The following BBS2 variants were observed in gnomAD, a reference collection of about 807,000 sequenced individuals.
The protein encoded by BBS2 is BBSome complex member BBS2.
BBS2 carries 62 observed loss-of-function variants against 83.0 expected under a neutral mutation model. That is an observed-to-expected ratio of 0.75 (90% confidence interval 0.61 to 0.92). The LOEUF (loss-of-function observed/expected upper bound fraction) is 0.92. Ranked by LOEUF, BBS2 falls within the 40% of genes least tolerant of loss-of-function variation. The probability of loss-of-function intolerance (pLI) is 0.00; values close to 1 mark genes in which losing one functional copy is unlikely to be tolerated. For missense variants in BBS2, 784 were observed against 901.0 expected (o/e 0.87, Z 1.66); for synonymous variants, 303 against 326.1 (o/e 0.93, Z 0.76).
chr16:56,519,968 C>CA lies in BBS2; in HGVS notation c.-107dup. ...TGCAGGGACACTACCTGCGCGGCCCCAGCCGCCTCAGGCCGGACGCGAAAC... is the reference window on the plus strand; with the variant it reads ...TGCAGGGACACTACCTGCGCGGCCCCAAGCCGCCTCAGGCCGGACGCGAAAC... On this transcript the variant is annotated 5_prime_UTR_variant, in exon 1 of 17. Transcript: ENST00000245157. 1 of 978,646 alleles carries CA rather than the reference C, an allele frequency of 1.0e-6. No individual in the cohort carries two copies. Among genetic ancestry groups the CA allele is most frequent in the Non-Finnish European group, 1.6e-6 (1 of 626,080 alleles). 60.6% of individuals were successfully genotyped at this position (978,646 alleles called of 1,614,324 possible).
intron 15 of BBS2, among the ~76,000 whole-genome samples, chr16:56,496,214 T>A (rs770127736): frequency 6.6e-6 from 1 of 152,162 alleles, no homozygotes; most frequent in Non-Finnish European, 1.5e-5. Flanking sequence ...TACATTTTAT[T>A]GGCAAGGTAA....
At chr16:56,499,645 A>C in intron 12 of BBS2, 133 bp downstream of exon 12, 1 of 1,285,632 alleles carries the variant, frequency 7.8e-7, no homozygotes, top group Non-Finnish European at 1.1e-6. Context: ...GCCACCCCCA[A>C]GTTAGAGAAT....
intron 17 of BBS2, chr16:56,475,900 C>A (rs1341333559): frequency 4.2e-6 from 3 of 712,990 alleles, no homozygotes; most frequent in Non-Finnish European, 6.9e-6. Flanking sequence ...GCTTGACAGC[C>A]ACCCCTAGTA....
rs1465592714 is a variant in BBS2 at position 56,478,628 on chromosome 16, A to G, written c.*6133T>C. 3 of 151,876 alleles carry G rather than the reference A, an allele frequency of 2.0e-5. No homozygotes were observed. In the East Asian group the frequency reaches 5.8e-4, roughly 29 times the overall value. 9.4% of individuals were successfully genotyped at this position (151,876 alleles called of 1,614,324 possible). On this transcript the variant is annotated intron_variant, in intron 17 of 17. Coordinates refer to the BBS2 transcript ENST00000682047. ...TGCCAAGCTTGGAAAATAGTTTGAG[A>G]CTCATGGCTGTAGGCACCATCCAAG...
rs758715963 is a variant in BBS2 at position 56,506,034 on chromosome 16, C to T, written c.720G>A (p.Ser240=). 1.4e-5 allele frequency: 23 copies of T among 1,613,628 alleles called. No individual in the cohort carries two copies. Among genetic ancestry groups the T allele is most frequent in the African/African-American group, 2.7e-5 (2 of 74,900 alleles). ...DKTSRYWRIK[S]KNHAMSIHAF... ...CATGAATGCTCATGGCATGATTTTTCGACTGAAAAAGAATTTTAATAATTA... is the reference window on the plus strand; with the variant it reads ...CATGAATGCTCATGGCATGATTTTTTGACTGAAAAAGAATTTTAATAATTA... The change falls in exon 7 of 17, where the codon TCG becomes TCA. Residue 240 remains serine, a splice_region_variant and synonymous_variant. Transcript: ENST00000245157.
Position 56,493,750 on chromosome 16 carries a change from A to T in BBS2, c.1910+3217T>A, listed in dbSNP as rs548425708. On this transcript the variant is annotated intron_variant, in intron 15 of 16. Coordinates refer to ENST00000245157, the MANE Select transcript of BBS2 (RefSeq NM_031885.5). ...CAAATCTGTGGCATAACCAAAAGAG[A>T]AATAATCTCAAATGATTTTAAGATA... is the stretch of plus-strand genomic sequence containing the variant. Among the ~76,000 whole-genome samples, 3 of 152,336 alleles carry T rather than the reference A, an allele frequency of 2.0e-5. No homozygotes were observed. In the South Asian group the frequency reaches 6.2e-4, roughly 32 times the overall value.
intron 14 of BBS2, 78 bp from the exon 15 acceptor site, chr16:56,497,157 A>G: frequency 1.1e-6 from 1 of 945,048 alleles, no homozygotes; most frequent in South Asian, 1.3e-5. Context: ...GACACTATTT[A>G]CCAGATACAG....
At chr16:56,509,592 T>C in intron 5 of BBS2, 1 of 223,196 alleles carries the variant, frequency 4.5e-6, no homozygotes, top group Non-Finnish European at 9.1e-6. Context: ...AGGGTTGTTG[T>C]AAGGATTCAA....
Position 56,502,442 on chromosome 16 carries a change from G to C in BBS2, c.955C>G (p.Pro319Ala). ...SVDGEIRGYL[P>A]GTAEMRGNLM... is the part of the protein sequence containing the mutation. ...TTGCCCCTCATCTCAGCCGTGCCAG[G>C]CAGGTAGCCCCGGACTGAACAGAAG... The change falls in exon 9 of 17, where the codon CCT (proline) becomes GCT (alanine). Residue 319 changes from proline (P) to alanine (A), a missense_variant. Physicochemically the swap from Pro to Ala is conservative, Grantham distance 27 (BLOSUM62 -1). Transcript: ENST00000245157. 6.2e-7 allele frequency: 1 copy of C among 1,614,206 alleles called. No homozygotes were observed.
intron 9 of BBS2, 182 bp downstream of exon 9, chr16:56,502,135 A>T: frequency 1.2e-6 from 1 of 813,404 alleles, no homozygotes; most frequent in Non-Finnish European, 2.1e-6. Flanking sequence ...AAACATTTCT[A>T]CAGTTTAACT....
chr16:56,497,255 C>T, intron 14 of BBS2, 176 bp from the exon 15 acceptor site: 1 of 651,302 alleles, frequency 1.5e-6, no homozygotes, highest in Non-Finnish European at 2.8e-6. Context: ...CTCATCTGTG[C>T]TGCCTCCAAT....
chr16:56,500,830 G>C, intron 11 of BBS2, 24 bp downstream of exon 11: 1 of 1,612,828 alleles, frequency 6.2e-7, no homozygotes. Flanking sequence ...GTCCTGAAAT[G>C]AACTGTGACT....
At position 56,519,999 on chromosome 16, in the gene BBS2, G is replaced by A. The variant is rs77438708; in HGVS notation, c.-137C>T. On this transcript the variant is annotated 5_prime_UTR_variant, in exon 1 of 17. Coordinates refer to ENST00000245157, the MANE Select transcript of BBS2 (RefSeq NM_031885.5). ...CCTCAGGCCGGACGCGAAACAGCCC[G>A]GGACGAACCCGTCCAGGTACCGCCT... 27 of 748,494 alleles carry A rather than the reference G, an allele frequency of 3.6e-5. No individual in the cohort carries two copies. The highest frequency in any genetic ancestry group is 7.4e-5 in the South Asian group (5 of 67,274). The allele number at this position is 748,494 out of a possible 1,614,324, so 46.4% of individuals were successfully genotyped here. A position where few individuals can be genotyped will look rare whatever the true frequency, so the allele number is the denominator to read the frequency against.
At chr16:56,486,946 T>C (rs1462109016) in intron 15 of BBS2, among the ~76,000 whole-genome samples, 2 of 151,956 alleles carry the variant, frequency 1.3e-5, no homozygotes, top group Admixed American at 1.3e-4. Context: ...GTAGTTTTAG[T>C]AGAGACTGGG....
intron 15 of BBS2, among the ~76,000 whole-genome samples, chr16:56,491,825 G>A (rs1303037070): frequency 6.6e-6 from 1 of 150,418 alleles, no homozygotes; most frequent in East Asian, 1.9e-4. Context: ...TGACCGACAG[G>A]TATATAAAAA....
downstream of BBS2, among the ~76,000 whole-genome samples, chr16:56,480,945 A>G (rs1315274690): frequency 6.6e-6 from 1 of 152,178 alleles, no homozygotes; most frequent in Non-Finnish European, 1.5e-5. Context: ...TACAGATTAC[A>G]AGATGACTTC....
chr16:56,504,532 A>G (rs75230161), intron 7 of BBS2, among the ~76,000 whole-genome samples: 280 of 152,312 alleles, frequency 1.8e-3, no homozygotes, highest in African/African-American at 6.5e-3. Context: ...CTGTATTCAC[A>G]AGTTGGATCT....
chr16:56,497,692 A>T (rs1211775890), intron 14 of BBS2, 51 bp downstream of exon 14: 1 of 1,606,180 alleles, frequency 6.2e-7, no homozygotes, highest in South Asian at 1.1e-5. Flanking sequence ...ATCTCCTCAA[A>T]TATTATTAGA....
chr16:56,485,074 A>G (rs1253782661), intron 16 of BBS2, among the ~76,000 whole-genome samples: 1 of 152,202 alleles, frequency 6.6e-6, no homozygotes, highest in Non-Finnish European at 1.5e-5. Flanking sequence ...AGAAACCAAC[A>G]GTCAGTTTTA....
Sources: gnomAD v4.1 joint callset for allele counts (sites outside exome capture counted in the v4.1 genomes callset) on GRCh38, gnomAD v4.1.1 for gene constraint, MANE v1.5 for transcripts, NCBI Gene and HGNC (gene_info 2026-07-23, HGNC 2026-07-21) for gene names.